Variants in SORL1 observed in about 807,000 individuals in gnomAD.
The protein encoded by SORL1 is sortilin-related receptor.
Under a neutral mutation model 273.7 loss-of-function variants are expected in SORL1, and 127 were observed. The observed-to-expected ratio is 0.46, with a 90% CI of 0.40 to 0.54. The LOEUF (loss-of-function observed/expected upper bound fraction) is 0.54. Ranked by LOEUF, SORL1 falls within the 20% of genes least tolerant of loss-of-function variation. The pLI, the probability that SORL1 is intolerant of heterozygous loss-of-function variation, is 0.00. For missense variants in SORL1, 2,494 were observed against 2,846.1 expected, an observed-to-expected ratio of 0.88 and a Z score of 2.81; for synonymous variants, 1,031 against 1,067.4, an observed-to-expected ratio of 0.97 and a Z score of 0.66.
intron 21 of SORL1, among the ~76,000 whole-genome samples, chr11:121,564,980 TG>T (rs923668535): frequency 3.9e-5 from 6 of 152,332 alleles, no homozygotes; most frequent in African/African-American, 1.4e-4. Flanking sequence ...CCCACATCCT[TG>T]TTTGAGTTGT....
intron 1 of SORL1, among the ~76,000 whole-genome samples, chr11:121,461,567 A>G (rs964508874): frequency 6.6e-6 from 1 of 152,206 alleles, no homozygotes; most frequent in East Asian, 1.9e-4. Flanking sequence ...GGTAGGGTAT[A>G]GAGGCCTTCG....
rs566688592 is a variant in SORL1 at position 121,582,452 on chromosome 11, T to C, written c.3581-1006T>C. Reference sequence around the variant, plus strand: ...TGCTGGTTGTAAACAAGGCCAGTCCTGGCTTGCATTCAGCAATGAACAGAC... The same window carrying C: ...TGCTGGTTGTAAACAAGGCCAGTCCCGGCTTGCATTCAGCAATGAACAGAC... On this transcript the variant is annotated intron_variant, in intron 25 of 47. Transcript: ENST00000260197. Among the ~76,000 whole-genome samples, 8 of 152,390 alleles carry C rather than the reference T, an allele frequency of 5.2e-5. 1 individual carries two copies. The South Asian group carries it at 1.2e-3, about 24-fold the overall frequency.
intron 18 of SORL1, 123 bp downstream of exon 18, chr11:121,555,441 T>A: frequency 8.0e-7 from 1 of 1,257,114 alleles, no homozygotes; most frequent in Non-Finnish European, 1.1e-6. Flanking sequence ...ACTGCGAGTT[T>A]CCAGAGAATG....
At chr11:121,539,550 T>C (rs767681971) in intron 12 of SORL1, among the ~76,000 whole-genome samples, 2 of 152,324 alleles carry the variant, frequency 1.3e-5, no homozygotes, top group East Asian at 1.9e-4. Context: ...ACTTAAATGG[T>C]TTTTCTTGTC....
chr11:121,617,956 T>C (rs1324866620), intron 41 of SORL1, among the ~76,000 whole-genome samples: 3 of 152,184 alleles, frequency 2.0e-5, no homozygotes, highest in Admixed American at 6.5e-5. Context: ...CACGATTTGA[T>C]TGGGCACCTG....
At chr11:121,599,288 T>C (rs1863350025) in intron 32 of SORL1, among the ~76,000 whole-genome samples, 1 of 152,248 alleles carries the variant, frequency 6.6e-6, no homozygotes, top group Non-Finnish European at 1.5e-5. Context: ...CTCACACCTG[T>C]AATCCCAGCA....
chr11:121,618,062 G>A (rs1231432106), intron 41 of SORL1, among the ~76,000 whole-genome samples: 3 of 152,122 alleles, frequency 2.0e-5, no homozygotes, highest in African/African-American at 4.8e-5. Flanking sequence ...TATTCCAGGC[G>A]ACCAGAGGGC....
intron 36 of SORL1, 108 bp downstream of exon 36, chr11:121,607,065 C>A (rs1294567716): frequency 1.1e-5 from 11 of 1,019,512 alleles, no homozygotes; most frequent in Admixed American, 9.2e-5. Context: ...TAGGTGATGA[C>A]CCATCCGTCA....
intron 40 of SORL1, chr11:121,614,276 T>C (rs1456831360): frequency 1.3e-5 from 2 of 152,238 alleles, no homozygotes; most frequent in Non-Finnish European, 2.9e-5. Flanking sequence ...TTTCCATGGA[T>C]TGATCTCTTT....
At chr11:121,608,265 G>A (rs903817154) in intron 38 of SORL1, 89 bp downstream of exon 38, 14 of 1,101,682 alleles carry the variant, frequency 1.3e-5, no homozygotes, top group Admixed American at 1.0e-4. Context: ...ATGGAGAAAC[G>A]TAGTTTAGAA....
At chr11:121,629,118 A>T in intron 47 of SORL1, 1 of 193,346 alleles carries the variant, frequency 5.2e-6, no homozygotes, top group Non-Finnish European at 1.1e-5. Flanking sequence ...CTTTGGGTTC[A>T]GAAGAGAAAG....
At chr11:121,564,645 C>T (rs1323549149) in intron 21 of SORL1, among the ~76,000 whole-genome samples, 1 of 152,096 alleles carries the variant, frequency 6.6e-6, no homozygotes, top group East Asian at 1.9e-4. Context: ...GGCGCCATCT[C>T]AGCTAACTGC....
At chr11:121,553,318 G>A (rs1202295441) in intron 16 of SORL1, among the ~76,000 whole-genome samples, 1 of 152,216 alleles carries the variant, frequency 6.6e-6, no homozygotes, top group Non-Finnish European at 1.5e-5. Context: ...TACACAATAT[G>A]TACACAATTT....
At chr11:121,547,219 C>T (rs1369364459) in intron 14 of SORL1, among the ~76,000 whole-genome samples, 1 of 151,704 alleles carries the variant, frequency 6.6e-6, no homozygotes, top group African/African-American at 2.4e-5. Flanking sequence ...GGTCCTAATC[C>T]CTGAAAAGAT....
chr11:121,525,815 G>T (rs186477909), intron 11 of SORL1, among the ~76,000 whole-genome samples: 25 of 152,318 alleles, frequency 1.6e-4, no homozygotes, highest in Middle Eastern at 3.4e-3. Context: ...TCGGACGGCT[G>T]AGGTAAGAGG....
At chr11:121,610,923 G>A (rs1188940451) in intron 38 of SORL1, 153 bp from the exon 39 acceptor site, 1 of 586,348 alleles carries the variant, frequency 1.7e-6, no homozygotes, top group Admixed American at 2.9e-5. Flanking sequence ...GAAAACAGTG[G>A]TAAAAAAAGA....
At chr11:121,564,066 T>G (rs1320472335) in intron 21 of SORL1, among the ~76,000 whole-genome samples, 1 of 152,252 alleles carries the variant, frequency 6.6e-6, no homozygotes, top group East Asian at 1.9e-4. Flanking sequence ...GCTATGTGTT[T>G]GATCTTCTAA....
At chr11:121,463,049 G>A (rs1217209752) in intron 1 of SORL1, among the ~76,000 whole-genome samples, 4 of 152,162 alleles carry the variant, frequency 2.6e-5, no homozygotes, top group African/African-American at 7.2e-5. Flanking sequence ...AAATCCTCAC[G>A]TAGGGCAAGT....
chr11:121,543,359 G>C (rs1383587043), intron 12 of SORL1, among the ~76,000 whole-genome samples, 189 bp from the exon 13 acceptor site: 1 of 152,094 alleles, frequency 6.6e-6, no homozygotes, highest in Non-Finnish European at 1.5e-5. Flanking sequence ...CCATCAGGCT[G>C]GTTCCTGTGT....
Sources: gnomAD v4.1 joint callset for allele counts (sites outside exome capture counted in the v4.1 genomes callset) on GRCh38, gnomAD v4.1.1 for gene constraint, MANE v1.5 for transcripts, NCBI Gene and HGNC (gene_info 2026-07-23, HGNC 2026-07-21) for gene names.